Variants in TSHR observed in about 807,000 individuals in gnomAD.
The protein encoded by TSHR is thyroid stimulating hormone receptor.
A neutral mutation model predicts 64.1 loss-of-function variants in TSHR; 51 were observed. The ratio of observed to expected loss-of-function variants is 0.80; its 90% confidence interval spans 0.64 to 1.01. The LOEUF is 1.01. Ranked by LOEUF, TSHR falls within the 50% of genes least tolerant of loss-of-function variation. The pLI is 0.00. For missense variants in TSHR, 877 were observed against 942.8 expected (o/e 0.93, Z 0.91); for synonymous variants, 361 against 361.9 (o/e 1.00, Z 0.03).
chr14:81,131,233 C>A (rs1478510693), intron 8 of TSHR, among the ~76,000 whole-genome samples: 1 of 152,152 alleles, frequency 6.6e-6, no homozygotes. Flanking sequence ...TCCCATCCAT[C>A]AGAAAGTCCC....
In TSHR at chr14:81,054,869, G is replaced by A. The variant is rs75415897; in HGVS notation, c.171-7279G>A. Among the ~76,000 whole-genome samples, 218 of 152,248 alleles carry A rather than the reference G, an allele frequency of 1.4e-3. 2 individuals are homozygous for A. The highest frequency in any genetic ancestry group is 5.1e-3 in the African/African-American group (212 of 41,548). On this transcript the variant is annotated intron_variant, in intron 1 of 9. Coordinates refer to ENST00000298171, the MANE Select transcript of TSHR (RefSeq NM_000369.5). Reference sequence around the variant, plus strand: ...TTCAAAAAATTCACAGCCTGACAATGCAACAGAAAAGAAAATCCCATTTTC... The same window carrying A: ...TTCAAAAAATTCACAGCCTGACAATACAACAGAAAAGAAAATCCCATTTTC...
At chr14:81,017,235 T>C (rs975156128) in intron 1 of TSHR, among the ~76,000 whole-genome samples, 4 of 152,178 alleles carry the variant, frequency 2.6e-5, no homozygotes, top group African/African-American at 9.7e-5. Context: ...TAGAAGGGGA[T>C]TAAATGTGGC....
chr14:80,956,328 T>C (rs1886682598), intron 1 of TSHR, among the ~76,000 whole-genome samples: 1 of 152,242 alleles, frequency 6.6e-6, no homozygotes, highest in Non-Finnish European at 1.5e-5. Context: ...GACAAAGGTT[T>C]AAGCAGGGGC....
Position 81,142,270 on chromosome 14 carries a change from G to T in TSHR, c.882-670G>T, listed in dbSNP as rs2140107047. ...TAATTTTTGGATTTTCAGTAGAGAT[G>T]GGGTTTCACCATGTTGGCCAGGCTG... On this transcript the variant is annotated intron_variant, in intron 9 of 9. Transcript: ENST00000298171. Among the ~76,000 whole-genome samples, 3 of 152,256 alleles carry T rather than the reference G, an allele frequency of 2.0e-5. No individual in the cohort carries two copies. The Middle Eastern group carries it at 0.01, about 518-fold the overall frequency.
At chr14:80,984,970 G>C (rs1015492692) in intron 1 of TSHR, among the ~76,000 whole-genome samples, 8 of 152,112 alleles carry the variant, frequency 5.3e-5, no homozygotes, top group African/African-American at 1.9e-4. Context: ...ATTGCTTTTG[G>C]CCGGGCGCGG....
chr14:80,965,760 A>G (rs1041470877), intron 1 of TSHR, among the ~76,000 whole-genome samples: 1 of 152,242 alleles, frequency 6.6e-6, no homozygotes, highest in Admixed American at 6.5e-5. Flanking sequence ...ATGAACCTTT[A>G]AGAACATTTA....
chr14:80,972,158 G>T lies in TSHR; in HGVS notation c.170+16308G>T, dbSNP rs79092138. On this transcript the variant is annotated intron_variant, in intron 1 of 9. Coordinates refer to ENST00000298171, the MANE Select transcript of TSHR (RefSeq NM_000369.5). The stretch of plus-strand genomic sequence containing the variant: ...TGTTTGGATTTATGAAAATTGCCAT[G>T]ATTGTTATCTATTGTGAGTTATTAA... Among the ~76,000 whole-genome samples, 1,440 of 152,224 alleles carry T rather than the reference G, an allele frequency of 9.5e-3. 22 individuals carry two copies. The highest frequency in any genetic ancestry group is 0.033 in the African/African-American group (1,354 of 41,536).
chr14:81,118,272 A>G (rs1238252197), intron 8 of TSHR, among the ~76,000 whole-genome samples: 1 of 96,818 alleles, frequency 1.0e-5, no homozygotes, highest in Non-Finnish European at 2.0e-5. Context: ...TATATCTAGA[A>G]AACCCCATTG....
intron 1 of TSHR, among the ~76,000 whole-genome samples, chr14:81,021,152 C>G (rs1002221814): frequency 2.0e-5 from 3 of 152,042 alleles, no homozygotes; most frequent in African/African-American, 7.3e-5. Context: ...CATCCCAGAA[C>G]CATGCCCCCG....
intron 2 of TSHR, among the ~76,000 whole-genome samples, chr14:81,066,263 T>A (rs1373292348): frequency 6.6e-6 from 1 of 152,160 alleles, no homozygotes; most frequent in Non-Finnish European, 1.5e-5. Context: ...ATGGAAAAGA[T>A]GCTTAGGGAA....
intron 7 of TSHR, chr14:81,105,166 C>G (rs1037933810): frequency 1.0e-6 from 1 of 985,192 alleles, no homozygotes; most frequent in Non-Finnish European, 1.2e-6. Context: ...TTTATCCAAG[C>G]TGGTTACAAA....
chr14:81,113,910 T>C (rs923042357), intron 8 of TSHR, among the ~76,000 whole-genome samples: 3 of 152,186 alleles, frequency 2.0e-5, no homozygotes, highest in African/African-American at 7.2e-5. Context: ...TAGAATTTTC[T>C]TTCTGTTAAA....
At chr14:81,090,935 G>A in intron 4 of TSHR, 134 bp from the exon 5 acceptor site, 1 of 725,144 alleles carries the variant, frequency 1.4e-6, no homozygotes, top group East Asian at 2.6e-5. Flanking sequence ...AGATATTTAG[G>A]GAAGGTGTTG....
chr14:80,995,722 TG>T (rs1232387098), intron 1 of TSHR: 1 of 151,694 alleles, frequency 6.6e-6, no homozygotes, highest in Admixed American at 6.6e-5. Context: ...AAACGACTAA[TG>T]GGTACTAGGC....
At chr14:80,998,700 T>C (rs957233474) in intron 1 of TSHR, among the ~76,000 whole-genome samples, 1 of 152,068 alleles carries the variant, frequency 6.6e-6, no homozygotes, top group African/African-American at 2.4e-5. Context: ...TTGACCTCAC[T>C]GACAACTAGA....
intron 3 of TSHR, among the ~76,000 whole-genome samples, chr14:81,078,452 T>A (rs1168637751): frequency 6.6e-6 from 1 of 152,212 alleles, no homozygotes; most frequent in Non-Finnish European, 1.5e-5. Context: ...TTTTTCTATA[T>A]CTTTGCTTTT....
At chr14:80,993,985 C>T (rs921612053) in intron 1 of TSHR, 4 of 152,086 alleles carry the variant, frequency 2.6e-5, no homozygotes, top group African/African-American at 9.7e-5. Context: ...TCTTCTGCAT[C>T]CCCTTGCACA....
At chr14:81,121,150 A>G (rs923870746) in intron 8 of TSHR, among the ~76,000 whole-genome samples, 1 of 151,920 alleles carries the variant, frequency 6.6e-6, no homozygotes, top group Admixed American at 6.5e-5. Context: ...TTTCAGAATA[A>G]AAAGACCCAC....
At chr14:81,073,011 ATAAAAAATAAATAT>A (rs1168650714) in intron 3 of TSHR, among the ~76,000 whole-genome samples, 1 of 58,978 alleles carries the variant, frequency 1.7e-5, no homozygotes, top group East Asian at 4.1e-4. Context: ...AAAAAAAAAA[ATAAAAAATAAATAT>A]ATATATATAT....
Sources: allele counts gnomAD v4.1 joint callset (sites outside exome capture counted in the v4.1 genomes callset), GRCh38; gene constraint gnomAD v4.1.1; transcripts MANE v1.5; gene names NCBI Gene and HGNC (gene_info 2026-07-23, HGNC 2026-07-21).